VWC2: variants seen among roughly 807,000 people sequenced by gnomAD.
VWC2 encodes the protein von Willebrand factor C domain containing 2, also known as brorin.
Under a neutral mutation model 29.8 loss-of-function variants are expected in VWC2, and 14 were observed. The observed-to-expected ratio is 0.47, with a 90% CI of 0.31 to 0.74. The LOEUF (loss-of-function observed/expected upper bound fraction) is 0.74. Ranked by LOEUF, VWC2 falls within the 30% of genes least tolerant of loss-of-function variation. The probability of loss-of-function intolerance (pLI) is 0.05; values close to 1 mark genes in which losing one functional copy is unlikely to be tolerated. For missense variants in VWC2, 457 were observed against 459.8 expected (o/e 0.99, Z 0.05); for synonymous variants, 213 against 199.0 (o/e 1.07, Z -0.59).
At chr7:49,901,870 G>GTTTGCTAACACTGTTAGCT (rs1792749786) in intron 3 of VWC2, among the ~76,000 whole-genome samples, 1 of 146,834 alleles carries the variant, frequency 6.8e-6, no homozygotes, top group Non-Finnish European at 1.5e-5. Context: ...AGATAAATAT[G>GTTTGCTAACACTGTTAGCT]AACACTGTTT....
rs1249386558 is a variant in VWC2 at position 49,898,279 on chromosome 7, G to A, written c.827-13755G>A. Among the ~76,000 whole-genome samples the A allele has an allele frequency of 2.6e-5, 4 of 151,220 alleles. No homozygotes were observed. The East Asian group carries it at 7.8e-4, about 29-fold the overall frequency. On this transcript the variant is annotated intron_variant, in intron 3 of 3. Coordinates refer to ENST00000340652, the MANE Select transcript of VWC2 (RefSeq NM_198570.5). ...TACATTGTTGCTGTTATTATGAACT[G>A]TTATCTTTTAAATCAAGGTAAGAAA...
chr7:49,801,851 A>T (rs1788745518), intron 2 of VWC2, among the ~76,000 whole-genome samples: 1 of 152,226 alleles, frequency 6.6e-6, no homozygotes, highest in Non-Finnish European at 1.5e-5. Flanking sequence ...GCGCTGCTGT[A>T]AAAGTTCAGT....
In VWC2 at chr7:49,919,053, TA is replaced by T. The variant is rs34882788; in HGVS notation, c.*6884del. 62 of 143,304 alleles carry T rather than the reference TA, an allele frequency of 4.3e-4. No individual in the cohort carries two copies. The highest frequency in any genetic ancestry group is 5.6e-4 in the Admixed American group (8 of 14,360). The allele number at this position is 143,304 out of a possible 1,614,324, so 8.9% of individuals were successfully genotyped here. On this transcript the variant is annotated 3_prime_UTR_variant, in exon 4 of 4. Transcript: ENST00000340652. Reference sequence around the variant, plus strand: ...CTGGGTAACAGAGCAAGACTCTGTTTAAAAAAAAAAAAAAAATCAGTGATGG... The same window carrying T: ...CTGGGTAACAGAGCAAGACTCTGTTTAAAAAAAAAAAAAAATCAGTGATGG...
intron 3 of VWC2, among the ~76,000 whole-genome samples, chr7:49,852,200 A>G (rs1160702801): frequency 1.3e-5 from 2 of 152,168 alleles, no homozygotes; most frequent in Non-Finnish European, 2.9e-5. Flanking sequence ...CCTTACTAAC[A>G]TGGCCTGCAT....
chr7:49,846,182 C>T (rs1173925769), intron 3 of VWC2, among the ~76,000 whole-genome samples: 2 of 152,166 alleles, frequency 1.3e-5, no homozygotes, highest in African/African-American at 4.8e-5. Context: ...TGAATCCACC[C>T]CATTTCCAAT....
chr7:49,849,883 G>A (rs1399852575), intron 3 of VWC2, among the ~76,000 whole-genome samples: 2 of 152,208 alleles, frequency 1.3e-5, no homozygotes, highest in Non-Finnish European at 2.9e-5. Context: ...GAGGACCCTG[G>A]AGAGACTGAG....
intron 2 of VWC2, among the ~76,000 whole-genome samples, chr7:49,790,418 G>A (rs772608755): frequency 3.9e-5 from 6 of 152,056 alleles, no homozygotes; most frequent in Non-Finnish European, 8.8e-5. Context: ...ATCCCTTTGT[G>A]TGCAAATCTG....
intron 3 of VWC2, among the ~76,000 whole-genome samples, chr7:49,866,551 C>T (rs1297851409): frequency 1.3e-5 from 2 of 152,008 alleles, no homozygotes; most frequent in East Asian, 1.9e-4. Context: ...CTGAATCTTT[C>T]GAGTTCGGGC....
At position 49,802,691 on chromosome 7, in the gene VWC2, A is replaced by C; in HGVS notation, c.697-20A>C. The C allele has an allele frequency of 2.5e-6, 4 of 1,614,046 alleles. No homozygotes were observed. Among genetic ancestry groups the C allele is most frequent in the Non-Finnish European group, 3.4e-6 (4 of 1,179,942 alleles). On this transcript the variant is annotated intron_variant, in intron 2 of 3. Transcript: ENST00000340652. Reference sequence around the variant, plus strand: ...AACATGACAGCAGGCTAAAGTGCTGATTGTGGGCTTGTGTTTCAGGTGTCT... The same window carrying C: ...AACATGACAGCAGGCTAAAGTGCTGCTTGTGGGCTTGTGTTTCAGGTGTCT...
chr7:49,801,403 G>A (rs1215102229), intron 2 of VWC2, among the ~76,000 whole-genome samples: 1 of 152,150 alleles, frequency 6.6e-6, no homozygotes, highest in Non-Finnish European at 1.5e-5. Context: ...TGCTTCTGAT[G>A]GCTGGGTCTG....
chr7:49,807,479 T>TGTAA (rs1196099020), intron 3 of VWC2, among the ~76,000 whole-genome samples: 1 of 152,192 alleles, frequency 6.6e-6, no homozygotes, highest in Non-Finnish European at 1.5e-5. Flanking sequence ...GGCCTGTGCA[T>TGTAA]GTAAGACCAC....
intron 2 of VWC2, among the ~76,000 whole-genome samples, chr7:49,800,536 AG>A (rs1010684794): frequency 2.0e-5 from 3 of 152,026 alleles, no homozygotes; most frequent in African/African-American, 7.3e-5. Flanking sequence ...TGATCTCTAT[AG>A]GGGGATGGTG....
intron 2 of VWC2, among the ~76,000 whole-genome samples, chr7:49,778,547 A>C (rs988975188): frequency 6.6e-6 from 1 of 152,250 alleles, no homozygotes; most frequent in African/African-American, 2.4e-5. Flanking sequence ...ATTTCTAGGC[A>C]TTCTGCTAAT....
intron 3 of VWC2, among the ~76,000 whole-genome samples, chr7:49,855,465 AG>A (rs1790375768): frequency 6.6e-6 from 1 of 152,044 alleles, no homozygotes; most frequent in Non-Finnish European, 1.5e-5. Flanking sequence ...AGCAGGGAGG[AG>A]GAAGGTTTGG....
At chr7:49,891,633 AC>A (rs1357439342) in intron 3 of VWC2, among the ~76,000 whole-genome samples, 1 of 152,208 alleles carries the variant, frequency 6.6e-6, no homozygotes, top group Non-Finnish European at 1.5e-5. Context: ...CAGCAATAAT[AC>A]CAACATCAAG....
rs1162931497 is a variant in VWC2, at chr7:49,917,764, TTTAATGA to T, written c.*5585_*5591del. 6.6e-6 allele frequency: 1 copy of T among 152,172 alleles called. No homozygotes were observed. The highest frequency in any genetic ancestry group is 2.4e-5 in the African/African-American group (1 of 41,464). 9.4% of individuals were successfully genotyped at this position (152,172 alleles called of 1,614,324 possible). On this transcript the variant is annotated 3_prime_UTR_variant, in exon 4 of 4. Transcript: ENST00000340652. ...TTAATATTTAATGATCATTATTTTA[TTTAATGA>T]TTAATATTTTCTATTATTTGAATTT...
intron 3 of VWC2, among the ~76,000 whole-genome samples, chr7:49,902,520 AC>A (rs781458692): frequency 1.3e-5 from 2 of 151,476 alleles, no homozygotes; most frequent in Non-Finnish European, 3.0e-5. Flanking sequence ...TGTTTTTTTA[AC>A]AAATGACACT....
At chr7:49,819,202 T>C (rs893182945) in intron 3 of VWC2, among the ~76,000 whole-genome samples, 1 of 152,196 alleles carries the variant, frequency 6.6e-6, no homozygotes, top group Non-Finnish European at 1.5e-5. Context: ...TTTCGCTCTG[T>C]TGCTTACTCC....
intron 3 of VWC2, among the ~76,000 whole-genome samples, chr7:49,805,559 T>G (rs755042981): frequency 3.9e-5 from 6 of 152,326 alleles, no homozygotes; most frequent in Middle Eastern, 3.4e-3. Context: ...GGGTTTGAAA[T>G]TCTTAGTAAA....
Sources: allele counts gnomAD v4.1 joint callset (sites outside exome capture counted in the v4.1 genomes callset), GRCh38; gene constraint gnomAD v4.1.1; transcripts MANE v1.5; gene names NCBI Gene and HGNC (gene_info 2026-07-23, HGNC 2026-07-21).